Variants in FNBP1 observed in about 807,000 individuals in gnomAD.
FNBP1 encodes formin binding protein 1.
A neutral mutation model predicts 90.6 loss-of-function variants in FNBP1; 26 were observed. The observed-to-expected ratio is 0.29, with a 90% CI of 0.21 to 0.40. The LOEUF (loss-of-function observed/expected upper bound fraction) is 0.40, where lower values mean the gene tolerates loss of function less well. Among genes scored for constraint, FNBP1 ranks in the 10% least tolerant of loss-of-function variants. FNBP1 has a pLI of 1.00. For missense variants in FNBP1, 635 were observed against 768.0 expected (o/e 0.83, Z 2.05); for synonymous variants, 260 against 265.2 (o/e 0.98, Z 0.19).
Position 129,905,294 on chromosome 9 carries a change from G to GTGTGTA in FNBP1, c.1296-2294_1296-2293insTACACA, listed in dbSNP as rs374989661. ...TTGAATTGTGTGTGTGTGTGTGTGTGTATATATATATATATATATTTTGTT... is the reference window on the plus strand; with the variant it reads ...TTGAATTGTGTGTGTGTGTGTGTGTGTGTGTATATATATATATATATATATTTTGTT... On this transcript the variant is annotated intron_variant, in intron 12 of 16. Coordinates refer to ENST00000446176, the MANE Select transcript of FNBP1 (RefSeq NM_015033.3). Among the ~76,000 whole-genome samples, 78 of 132,340 alleles carry GTGTGTA rather than the reference G, an allele frequency of 5.9e-4. No individual in the cohort carries two copies. In the East Asian group the frequency reaches 0.014, roughly 23 times the overall value. The allele number at this position is 132,340 out of a possible 152,430, so 86.8% of individuals were successfully genotyped here.
chr9:130,052,891 G>A, the FNBP1 span, among the ~76,000 whole-genome samples: 1 of 151,876 alleles, frequency 6.6e-6, no homozygotes, highest in Non-Finnish European at 1.5e-5. Context: ...GAGGCGGGAG[G>A]ATAACTTGAG....
chr9:130,048,502 T>TTTTTTTTC, the FNBP1 span, among the ~76,000 whole-genome samples: 1 of 144,598 alleles, frequency 6.9e-6, no homozygotes, highest in Non-Finnish European at 1.5e-5. Context: ...TTTTTTTTTT[T>TTTTTTTTC]TTTGAGACGG....
intron 1 of FNBP1, among the ~76,000 whole-genome samples, chr9:130,016,777 T>C (rs536788216): frequency 2.0e-5 from 3 of 152,278 alleles, no homozygotes; most frequent in East Asian, 3.9e-4. Flanking sequence ...ATTTGCTTAA[T>C]GCATGAATGA....
At chr9:129,950,803 C>CT in intron 6 of FNBP1, among the ~76,000 whole-genome samples, 1 of 151,556 alleles carries the variant, frequency 6.6e-6, no homozygotes, top group Non-Finnish European at 1.5e-5. Flanking sequence ...GTACCTTTTT[C>CT]TTTTTTTTGA....
At chr9:129,998,701 ACT>A in intron 1 of FNBP1, among the ~76,000 whole-genome samples, 1 of 152,188 alleles carries the variant, frequency 6.6e-6, no homozygotes, top group South Asian at 2.1e-4. Context: ...TTGCATTCAA[ACT>A]GATGTATACT....
chr9:129,916,647 T>C (rs896250195), intron 10 of FNBP1, among the ~76,000 whole-genome samples: 3 of 150,974 alleles, frequency 2.0e-5, no homozygotes, highest in African/African-American at 7.3e-5. Flanking sequence ...AGAAAAAATA[T>C]AATCACACAA....
chr9:129,951,383 C>T (rs1048251183), intron 6 of FNBP1, among the ~76,000 whole-genome samples: 1 of 151,972 alleles, frequency 6.6e-6, no homozygotes, highest in African/African-American at 2.4e-5. Context: ...TGTGAGCCAT[C>T]ATGCCCAGGT....
intron 10 of FNBP1, among the ~76,000 whole-genome samples, chr9:129,921,060 T>C (rs891129405): frequency 2.0e-5 from 3 of 152,204 alleles, no homozygotes; most frequent in Non-Finnish European, 4.4e-5. Context: ...CAACGGCTTT[T>C]TTCACATCTT....
chr9:130,013,979 G>C (rs2056934563), intron 1 of FNBP1: 1 of 455,728 alleles, frequency 2.2e-6, no homozygotes, highest in South Asian at 1.6e-5. Flanking sequence ...AATTACCCAG[G>C]TTGTGGTATT....
chr9:130,004,567 G>C (rs1185614648), intron 1 of FNBP1, among the ~76,000 whole-genome samples: 5 of 152,122 alleles, frequency 3.3e-5, no homozygotes, highest in Non-Finnish European at 7.4e-5. Flanking sequence ...TTAAGAAGCA[G>C]GACTTAAATG....
At chr9:130,032,297 A>G (rs1296207959) in intron 1 of FNBP1, among the ~76,000 whole-genome samples, 8 of 152,022 alleles carry the variant, frequency 5.3e-5, no homozygotes, top group African/African-American at 1.9e-4. Flanking sequence ...CAGCTTCCCA[A>G]GTAGCTGGGA....
chr9:129,915,901 A>T, intron 11 of FNBP1, 65 bp downstream of exon 11: 2 of 1,161,992 alleles, frequency 1.7e-6, no homozygotes, highest in South Asian at 2.6e-5. Flanking sequence ...ATGGCATAGC[A>T]TTCATAAAAG....
At chr9:129,955,552 T>A (rs1043374428) in intron 6 of FNBP1, among the ~76,000 whole-genome samples, 1 of 148,766 alleles carries the variant, frequency 6.7e-6, no homozygotes, top group Non-Finnish European at 1.5e-5. Context: ...AAAAAAAAAA[T>A]TATTTATTTA....
intron 6 of FNBP1, among the ~76,000 whole-genome samples, chr9:129,955,174 CT>C (rs1425634501): frequency 1.3e-5 from 2 of 151,818 alleles, no homozygotes; most frequent in African/African-American, 4.8e-5. Context: ...ACTATCATTA[CT>C]TGCTGCTGAT....
At chr9:130,036,512 A>G (rs780855229) in intron 1 of FNBP1, among the ~76,000 whole-genome samples, 2 of 152,230 alleles carry the variant, frequency 1.3e-5, no homozygotes, top group African/African-American at 4.8e-5. Context: ...CAAAACTGAT[A>G]TCTAAATATC....
chr9:130,009,325 T>A (rs983773309), intron 1 of FNBP1, among the ~76,000 whole-genome samples: 6 of 152,088 alleles, frequency 3.9e-5, no homozygotes, highest in Non-Finnish European at 8.8e-5. Context: ...AGGACTTGCA[T>A]GAAAAACTCT....
Position 130,041,712 on chromosome 9 carries a change from T to C in FNBP1, c.24+1240A>G, listed in dbSNP as rs1189107264. On this transcript the variant is annotated intron_variant, in intron 1 of 16. Coordinates refer to ENST00000446176, the MANE Select transcript of FNBP1 (RefSeq NM_015033.3). The surrounding 1 kb of genome is among the most constrained non-coding windows in gnomAD (Gnocchi z 4.3). Reference sequence around the variant, plus strand: ...GCTATTGCCCTCAGGATTTTGGTAATAACAACCGTAGCTGCTTCTGTACCT... The same window carrying C: ...GCTATTGCCCTCAGGATTTTGGTAACAACAACCGTAGCTGCTTCTGTACCT... Among the ~76,000 whole-genome samples the C allele has an allele frequency of 6.6e-6, 1 of 152,226 alleles. No homozygotes were observed. Among genetic ancestry groups the C allele is most frequent in the Non-Finnish European group, 1.5e-5 (1 of 68,030 alleles).
At chr9:130,053,872 C>G in the FNBP1 span, 1 of 1,512,890 alleles carries the variant, frequency 6.6e-7, no homozygotes, top group East Asian at 2.5e-5. Context: ...CTTCCGGCGG[C>G]TGCGCCCTTT....
At chr9:129,945,076 T>G (rs1377750775) in intron 6 of FNBP1, among the ~76,000 whole-genome samples, 1 of 152,182 alleles carries the variant, frequency 6.6e-6, no homozygotes, top group African/African-American at 2.4e-5. Context: ...GCTGCTTGAT[T>G]GCTATTTTGT....
Sources: allele counts gnomAD v4.1 joint callset (sites outside exome capture counted in the v4.1 genomes callset), GRCh38; gene constraint gnomAD v4.1.1; non-coding constraint Gnocchi (gnomAD v3.1); transcripts MANE v1.5; gene names NCBI Gene and HGNC (gene_info 2026-07-23, HGNC 2026-07-21).